CSMD1: variants seen among roughly 807,000 people sequenced by gnomAD.
The protein encoded by CSMD1 is CUB and sushi domain-containing protein 1.
CSMD1 carries 213 observed loss-of-function variants against 417.5 expected under a neutral mutation model. That is an observed-to-expected ratio of 0.51 (90% confidence interval 0.46 to 0.57). The LOEUF is 0.57. CSMD1 is among the 20% of genes least tolerant of loss of function. CSMD1 has a pLI of 0.00. For synonymous variants in CSMD1, 2,862 were observed against 1,736.8 expected, an observed-to-expected ratio of 1.65 and a Z score of -16.11; for missense variants, 6,923 against 4,529.7, an observed-to-expected ratio of 1.53 and a Z score of -15.17.
Position 3,187,864 on chromosome 8 carries a change from C to G in CSMD1, c.5620+5G>C. The G allele has an allele frequency of 8.7e-6, 14 of 1,611,172 alleles. No individual in the cohort carries two copies. Among genetic ancestry groups the G allele is most frequent in the Non-Finnish European group, 1.2e-5 (14 of 1,178,182 alleles). On this transcript the variant is annotated splice_donor_5th_base_variant and intron_variant, in intron 36 of 69. Transcript: ENST00000635120. ...ACACAGGTGAGGAAATTGACTCCAT[C>G]TTACCTGAGAAGCTTCCCAGTCTGG...
chr8:3,800,588 A>G (rs1800400932), intron 5 of CSMD1, among the ~76,000 whole-genome samples: 1 of 152,174 alleles, frequency 6.6e-6, no homozygotes, highest in African/African-American at 2.4e-5. Flanking sequence ...ACCAATGTTG[A>G]AACTTGATCT....
intron 1 of CSMD1, among the ~76,000 whole-genome samples, chr8:4,877,413 G>C (rs148229758): frequency 7.2e-5 from 11 of 152,086 alleles, no homozygotes; most frequent in Non-Finnish European, 1.6e-4. Context: ...CCATTGTAAA[G>C]AAATATCAAT....
intron 2 of CSMD1, among the ~76,000 whole-genome samples, chr8:4,421,185 G>C (rs950125713): frequency 1.3e-5 from 2 of 152,140 alleles, no homozygotes; most frequent in South Asian, 2.1e-4. Flanking sequence ...TGTACTTTAT[G>C]TGTTAGCGAA....
At chr8:3,160,449 G>C (rs1348749636) in intron 38 of CSMD1, among the ~76,000 whole-genome samples, 3 of 152,134 alleles carry the variant, frequency 2.0e-5, no homozygotes, top group South Asian at 4.1e-4. Flanking sequence ...GACATATCAG[G>C]TGGATCAGGA....
intron 4 of CSMD1, among the ~76,000 whole-genome samples, chr8:4,015,719 CTG>C (rs976344459): frequency 5.1e-5 from 7 of 136,410 alleles, no homozygotes; most frequent in Non-Finnish European, 1.1e-4. Context: ...TTATCTAAAA[CTG>C]TTGAAAAATA....
intron 65 of CSMD1, among the ~76,000 whole-genome samples, chr8:2,951,782 G>C (rs1014367791): frequency 2.6e-5 from 4 of 152,158 alleles, no homozygotes; most frequent in Non-Finnish European, 4.4e-5. Flanking sequence ...GACTTATGAA[G>C]ACAAAGCCCT....
At chr8:3,303,371 G>A (rs555332401) in intron 25 of CSMD1, among the ~76,000 whole-genome samples, 4 of 152,150 alleles carry the variant, frequency 2.6e-5, no homozygotes, top group Non-Finnish European at 5.9e-5. Context: ...GATGCCACTA[G>A]AAAGAAAATC....
chr8:3,851,290 T>C lies in CSMD1; in HGVS notation c.819-97248A>G, dbSNP rs528690311. On this transcript the variant is annotated intron_variant, in intron 5 of 69. Coordinates refer to ENST00000635120, the MANE Select transcript of CSMD1 (RefSeq NM_033225.6). ...GCAACACAAAGTCTTTAGGGACTGG[T>C]CTTTTCATATTGACATTACACACAT... 2.0e-4 allele frequency among the ~76,000 whole-genome samples: 30 copies of C among 152,330 alleles called. No individual in the cohort carries two copies. In the South Asian group the frequency reaches 3.9e-3, roughly 20 times the overall value.
chr8:3,223,589 C>A, intron 28 of CSMD1, 140 bp downstream of exon 28: 1 of 753,088 alleles, frequency 1.3e-6, no homozygotes, highest in South Asian at 2.4e-5. Context: ...CATTTTGCAG[C>A]CTGGTGTAGT....
intron 7 of CSMD1, among the ~76,000 whole-genome samples, chr8:3,655,659 GTTTTTTT>G (rs11293138): frequency 7.2e-6 from 1 of 139,562 alleles, no homozygotes; most frequent in Non-Finnish European, 1.5e-5. Flanking sequence ...TGGAGGTTGC[GTTTTTTT>G]TTTTTTTTTT....
intron 7 of CSMD1, among the ~76,000 whole-genome samples, chr8:3,628,965 T>G (rs1299669137): frequency 6.6e-6 from 1 of 150,962 alleles, no homozygotes; most frequent in Non-Finnish European, 1.5e-5. Context: ...GAATAAAAGA[T>G]AAAGAAGGGA....
In CSMD1 at chr8:4,480,056, C is replaced by T. The variant is rs142612565; in HGVS notation, c.303-59991G>A. On this transcript the variant is annotated intron_variant, in intron 2 of 69. Transcript: ENST00000635120. ...TATCATTCTCCCTGGAGAATGTGGTCGTGAGTTCTGTTAGAGAAGTTTGAA... is the reference window on the plus strand; with the variant it reads ...TATCATTCTCCCTGGAGAATGTGGTTGTGAGTTCTGTTAGAGAAGTTTGAA... Among the ~76,000 whole-genome samples, 454 of 151,692 alleles carry T rather than the reference C, an allele frequency of 3.0e-3. 4 individuals carry two copies. Among genetic ancestry groups the T allele is most frequent in the African/African-American group, 0.01 (429 of 41,370 alleles).
chr8:3,310,466 C>G (rs746445495), intron 23 of CSMD1, among the ~76,000 whole-genome samples: 2 of 152,190 alleles, frequency 1.3e-5, no homozygotes, highest in African/African-American at 4.8e-5. Context: ...ATGATTCTCC[C>G]TGGCCACACT....
intron 3 of CSMD1, among the ~76,000 whole-genome samples, chr8:4,307,042 G>A (rs892840563): frequency 5.3e-5 from 8 of 151,922 alleles, no homozygotes; most frequent in African/African-American, 1.7e-4. Flanking sequence ...TCCACTGTGG[G>A]GTTTATGGTA....
At chr8:4,215,768 T>C (rs946341557) in intron 3 of CSMD1, among the ~76,000 whole-genome samples, 9 of 152,208 alleles carry the variant, frequency 5.9e-5, no homozygotes, top group African/African-American at 1.9e-4. Context: ...CTTTAAAACA[T>C]TGTTTTCTTG....
chr8:4,278,986 A>C (rs1383534977), intron 3 of CSMD1, among the ~76,000 whole-genome samples: 1 of 152,186 alleles, frequency 6.6e-6, no homozygotes, highest in African/African-American at 2.4e-5. Flanking sequence ...AGATTGCTAT[A>C]TTGTTATAAC....
At chr8:4,032,180 T>C (rs1040376218) in intron 3 of CSMD1, 81 bp from the exon 4 acceptor site, 13 of 968,492 alleles carry the variant, frequency 1.3e-5, no homozygotes, top group Middle Eastern at 5.5e-4. Flanking sequence ...ACAGACACCA[T>C]TTTTGAATTA....
intron 3 of CSMD1, among the ~76,000 whole-genome samples, chr8:4,409,210 ATT>A (rs1449647156): frequency 2.0e-5 from 3 of 152,336 alleles, no homozygotes; most frequent in Non-Finnish European, 4.4e-5. Flanking sequence ...ATGGAAATGA[ATT>A]TGATTGATGA....
intron 7 of CSMD1, among the ~76,000 whole-genome samples, chr8:3,692,863 G>C (rs2624069): frequency 2.0e-5 from 3 of 152,196 alleles, no homozygotes; most frequent in East Asian, 1.9e-4. Context: ...TTGGAAAAAT[G>C]TTAATATTCT....
Sources: allele counts gnomAD v4.1 joint callset (sites outside exome capture counted in the v4.1 genomes callset), GRCh38; gene constraint gnomAD v4.1.1; transcripts MANE v1.5; gene names NCBI Gene and HGNC (gene_info 2026-07-23, HGNC 2026-07-21).